Variants in PCDHA2 observed in about 807,000 individuals in gnomAD.
PCDHA2 encodes protocadherin alpha-2.
PCDHA2 carries 58 observed loss-of-function variants against 66.0 expected under a neutral mutation model. The observed-to-expected ratio is 0.88, with a 90% CI of 0.71 to 1.09. PCDHA2 has a LOEUF of 1.09. Among genes scored for constraint, PCDHA2 ranks in the 50% least tolerant of loss-of-function variants. The pLI is 0.00. For synonymous variants in PCDHA2, 634 were observed against 554.0 expected (o/e 1.14, Z -2.03); for missense variants, 1,267 against 1,242.3 (o/e 1.02, Z -0.30).
Position 140,809,396 on chromosome 5 carries a change from C to T in PCDHA2, c.2388+12044C>T. ...CGAGGGCGCGTGCGCTCCGGGCAAGCCCACGCTGGTGTGCTCCAGTGCGGT... is the reference window on the plus strand; with the variant it reads ...CGAGGGCGCGTGCGCTCCGGGCAAGTCCACGCTGGTGTGCTCCAGTGCGGT... On this transcript the variant is annotated intron_variant, in intron 1 of 3. Coordinates refer to ENST00000526136, the MANE Select transcript of PCDHA2 (RefSeq NM_018905.3). 1 of 1,614,122 alleles carries T rather than the reference C, an allele frequency of 6.2e-7. No homozygotes were observed. Among genetic ancestry groups the T allele is most frequent in the Non-Finnish European group, 8.5e-7 (1 of 1,179,976 alleles).
At chr5:140,803,750 T>G (rs1211633329) in intron 1 of PCDHA2, 3 of 1,306,342 alleles carry the variant, frequency 2.3e-6, no homozygotes, top group South Asian at 3.0e-5. Context: ...GTAAGATTTT[T>G]GTTGCTAATT....
chr5:140,996,531 G>A (rs782175834), intron 3 of PCDHA2, among the ~76,000 whole-genome samples: 1 of 152,146 alleles, frequency 6.6e-6, no homozygotes, highest in African/African-American at 2.4e-5. Context: ...GGCCCTGTGT[G>A]TTTTGATATT....
At chr5:140,903,845 C>T (rs2070659171) in intron 1 of PCDHA2, among the ~76,000 whole-genome samples, 1 of 152,006 alleles carries the variant, frequency 6.6e-6, no homozygotes, top group Admixed American at 6.6e-5. Context: ...TTTCATTTAT[C>T]TTAACAAATA....
At chr5:141,002,357 C>G (rs2098075744) in intron 3 of PCDHA2, among the ~76,000 whole-genome samples, 2 of 152,246 alleles carry the variant, frequency 1.3e-5, no homozygotes, top group Admixed American at 6.5e-5. Flanking sequence ...ACCTCCACTC[C>G]TTTCAACTCA....
At chr5:140,867,903 A>C (rs1010800579) in intron 1 of PCDHA2, 1 of 152,144 alleles carries the variant, frequency 6.6e-6, no homozygotes, top group Non-Finnish European at 1.5e-5. Flanking sequence ...TACTTACAGA[A>C]GGTATAATTA....
rs558900138 is a variant in PCDHA2, at chr5:140,898,510, C to T, written c.2389-80439C>T. On this transcript the variant is annotated intron_variant, in intron 1 of 3. Coordinates refer to ENST00000526136, the MANE Select transcript of PCDHA2 (RefSeq NM_018905.3). ...AGATCAGATAGTTGTAGATATGCGG[C>T]GTTATTTCTGAGGGCTCTGTTCTGT... Among the ~76,000 whole-genome samples, 9 of 152,196 alleles carry T rather than the reference C, an allele frequency of 5.9e-5. No homozygotes were observed. In the South Asian group the frequency reaches 6.2e-4, roughly 11 times the overall value.
At position 140,875,743 on chromosome 5, in the gene PCDHA2, G is replaced by T. The variant is rs782705899; in HGVS notation, c.2388+78391G>T. ...CATTTTGTTTGTGAATTCTCGGATCGACCGCGAGAAGCTGTGCGGGCGGAG... is the reference window on the plus strand; with the variant it reads ...CATTTTGTTTGTGAATTCTCGGATCTACCGCGAGAAGCTGTGCGGGCGGAG... On this transcript the variant is annotated intron_variant, in intron 1 of 3. Coordinates refer to ENST00000526136, the MANE Select transcript of PCDHA2 (RefSeq NM_018905.3). 1.8e-5 allele frequency: 29 copies of T among 1,614,226 alleles called. No individual in the cohort carries two copies. The highest frequency in any genetic ancestry group is 2.2e-5 in the Non-Finnish European group (26 of 1,180,038).
chr5:140,971,642 A>G (rs1586490477), intron 1 of PCDHA2, among the ~76,000 whole-genome samples: 1 of 152,330 alleles, frequency 6.6e-6, no homozygotes, highest in East Asian at 1.9e-4. Flanking sequence ...ATGTGCCTAC[A>G]TTAAAAGTAG....
chr5:140,843,274 G>A, intron 1 of PCDHA2: 6 of 1,596,094 alleles, frequency 3.8e-6, no homozygotes, highest in Non-Finnish European at 5.1e-6. Flanking sequence ...TGGTCCTGGT[G>A]AAGGATCATG....
At chr5:140,828,948 C>G in intron 1 of PCDHA2, 1 of 1,614,170 alleles carries the variant, frequency 6.2e-7, no homozygotes, top group Non-Finnish European at 8.5e-7. Context: ...AGCCTTGTTG[C>G]AGCCATGGTT....
Position 140,876,851 on chromosome 5 carries a change from A to G in PCDHA2, c.2388+79499A>G, listed in dbSNP as rs1554169034. ...GCGCCTGCGTTCGCGCAGCCCGAGT[A>G]CACAGTGTTCGTGAAGGAGAACAAC... On this transcript the variant is annotated intron_variant, in intron 1 of 3. Coordinates refer to ENST00000526136, the MANE Select transcript of PCDHA2 (RefSeq NM_018905.3). The G allele has an allele frequency of 5.0e-6, 8 of 1,613,986 alleles. No individual in the cohort carries two copies. In the Admixed American group the frequency reaches 1.3e-4, roughly 27 times the overall value.
chr5:140,886,886 T>C (rs1554182794), intron 1 of PCDHA2, among the ~76,000 whole-genome samples: 1 of 151,610 alleles, frequency 6.6e-6, no homozygotes, highest in African/African-American at 2.4e-5. Flanking sequence ...CATTCATTAA[T>C]TAAATGCATT....
intron 1 of PCDHA2, among the ~76,000 whole-genome samples, chr5:140,798,242 G>A (rs566180923): frequency 6.6e-6 from 1 of 152,190 alleles, no homozygotes; most frequent in East Asian, 1.9e-4. Context: ...ATGTAGCACA[G>A]GTTGTTACAA....
intron 3 of PCDHA2, among the ~76,000 whole-genome samples, chr5:141,005,404 G>A (rs1265064301): frequency 6.6e-6 from 1 of 152,166 alleles, no homozygotes; most frequent in Non-Finnish European, 1.5e-5. Context: ...CAGACTTGAA[G>A]AGTGAGGAGT....
At chr5:140,883,476 A>G (rs782692069) in intron 1 of PCDHA2, 7 of 1,614,082 alleles carry the variant, frequency 4.3e-6, no homozygotes, top group Admixed American at 3.3e-5. Flanking sequence ...ACCTACAAGA[A>G]CTACTACTCA....
At chr5:140,804,866 A>G (rs989105171) in intron 1 of PCDHA2, 1 of 555,074 alleles carries the variant, frequency 1.8e-6, no homozygotes, top group Non-Finnish European at 3.0e-6. Flanking sequence ...CGTAAAATAG[A>G]TATTTTTCTT....
At chr5:140,991,298 ATTATC>A (rs1361844877) in intron 3 of PCDHA2, among the ~76,000 whole-genome samples, 1 of 152,170 alleles carries the variant, frequency 6.6e-6, no homozygotes, top group African/African-American at 2.4e-5. Flanking sequence ...ACACATTACT[ATTATC>A]TTGTCCCGCA....
Position 140,853,221 on chromosome 5 carries a change from G to A in PCDHA2, c.2388+55869G>A, listed in dbSNP as rs1021063668. 12 of 983,626 alleles carry A rather than the reference G, an allele frequency of 1.2e-5. 1 individual carries two copies. The highest frequency in any genetic ancestry group is 1.5e-5 in the Non-Finnish European group (12 of 816,248). The allele number at this position is 983,626 out of a possible 1,614,324, so 60.9% of individuals were successfully genotyped here. A position where few individuals can be genotyped will look rare whatever the true frequency, so the allele number is the denominator to read the frequency against. On this transcript the variant is annotated intron_variant, in intron 1 of 3. Transcript: ENST00000526136. ...TATTGACGGCTGTATTGATGGGATT[G>A]GTAATTTAGTCCTTCATATTAATCT...
Position 140,846,625 on chromosome 5 carries a change from C to T in PCDHA2, c.2388+49273C>T, listed in dbSNP as rs2150393112. 1.6e-3 allele frequency among the ~76,000 whole-genome samples: 241 copies of T among 149,122 alleles called. 15 individuals are homozygous for T. Among genetic ancestry groups the T allele is most frequent in the African/African-American group, 5.6e-3 (229 of 40,752 alleles). On this transcript the variant is annotated intron_variant, in intron 1 of 3. Coordinates refer to ENST00000526136, the MANE Select transcript of PCDHA2 (RefSeq NM_018905.3). ...TCCTGACCTCCTGATCCGCCCACTT[C>T]GGCCTCCTAAAGTGCTGGGATTACA...
Sources: gnomAD v4.1 joint callset for allele counts (sites outside exome capture counted in the v4.1 genomes callset) on GRCh38, gnomAD v4.1.1 for gene constraint, MANE v1.5 for transcripts, NCBI Gene and HGNC (gene_info 2026-07-23, HGNC 2026-07-21) for gene names.